COPS7B: variants seen among roughly 807,000 people sequenced by gnomAD.
COPS7B encodes COP9 signalosome complex subunit 7b.
In COPS7B, 9 loss-of-function variants were observed where a neutral mutation model predicts 33.4. That is an observed-to-expected ratio of 0.27 (90% CI 0.16 to 0.47). The LOEUF is 0.47. COPS7B is among the 20% of genes least tolerant of loss of function. COPS7B has a pLI of 0.99. For missense variants in COPS7B, 242 were observed against 318.2 expected, an observed-to-expected ratio of 0.76 and a Z score of 1.82; for synonymous variants, 119 against 126.3, an observed-to-expected ratio of 0.94 and a Z score of 0.39.
chr2:231,788,664 A>T lies in COPS7B; in HGVS notation c.94A>T (p.Ser32Cys). The T allele has an allele frequency of 6.2e-7, 1 of 1,614,200 alleles. No homozygotes were observed. The highest frequency in any genetic ancestry group is 8.5e-7 in the Non-Finnish European group (1 of 1,180,026). Residue 32 changes from serine to cysteine, a missense_variant, in exon 2 of 7, where the codon AGC becomes TGC. Transcript: ENST00000350033. ...TSGSALTALI[S>C]QVLEAPGVYV... ...TGGCTCAGCCCTCACTGCTCTCATA[A>T]GCCAGGTCTTAGAGGCTCCCGGAGT...
At chr2:231,792,377 A>G in intron 3 of COPS7B, 1 of 245,862 alleles carries the variant, frequency 4.1e-6, no homozygotes, top group Non-Finnish European at 8.1e-6. Context: ...CTGTAATCCC[A>G]GCCACTCCGG....
At chr2:231,797,232 T>G (rs925220781) in intron 5 of COPS7B, among the ~76,000 whole-genome samples, 2 of 152,056 alleles carry the variant, frequency 1.3e-5, no homozygotes, top group African/African-American at 4.8e-5. Context: ...CAGTGCCACT[T>G]TGACTCCTTG....
chr2:231,800,618 A>G (rs578199457), intron 6 of COPS7B, among the ~76,000 whole-genome samples: 75 of 152,370 alleles, frequency 4.9e-4, no homozygotes, highest in African/African-American at 1.6e-3. Flanking sequence ...ACACTTGGCT[A>G]AAGTTTGAGG....
intron 5 of COPS7B, among the ~76,000 whole-genome samples, chr2:231,797,852 C>T (rs543186703): frequency 1.3e-3 from 196 of 152,216 alleles, no homozygotes; most frequent in South Asian, 3.9e-3. Context: ...TGAGAAAAGG[C>T]GGAATCTTCA....
intron 6 of COPS7B, among the ~76,000 whole-genome samples, chr2:231,806,014 G>A (rs933845383): frequency 1.3e-5 from 2 of 151,918 alleles, no homozygotes; most frequent in South Asian, 2.1e-4. Flanking sequence ...AGGCTACAGC[G>A]TTGATTGAGG....
chr2:231,798,134 G>T (rs113374539), intron 5 of COPS7B, among the ~76,000 whole-genome samples: 3 of 152,020 alleles, frequency 2.0e-5, no homozygotes, highest in Admixed American at 6.6e-5. Flanking sequence ...TGATCCGCCT[G>T]CCTCGGCCTC....
At position 231,808,360 on chromosome 2, in the gene COPS7B, G is replaced by A. The variant is rs764364864; in HGVS notation, c.*715G>A. Reference sequence around the variant, plus strand: ...CAGAAATGGTTCCTTCCGGCTTGGCGTTCTCTCCTGGCCACTCTTCCTGCT... The same window carrying A: ...CAGAAATGGTTCCTTCCGGCTTGGCATTCTCTCCTGGCCACTCTTCCTGCT... On this transcript the variant is annotated 3_prime_UTR_variant, in exon 7 of 7. Coordinates refer to ENST00000350033, the MANE Select transcript of COPS7B (RefSeq NM_022730.4). 51 of 452,246 alleles carry A rather than the reference G, an allele frequency of 1.1e-4. No homozygotes were observed. Among genetic ancestry groups the A allele is most frequent in the Non-Finnish European group, 1.8e-4 (40 of 217,536 alleles). 28.0% of individuals were successfully genotyped at this position (452,246 alleles called of 1,614,324 possible).
intron 6 of COPS7B, among the ~76,000 whole-genome samples, 173 bp downstream of exon 6, chr2:231,799,137 T>C (rs2049669268): frequency 6.6e-6 from 1 of 152,340 alleles, no homozygotes; most frequent in Admixed American, 6.5e-5. Context: ...GCTCCTGCTC[T>C]TGGTGTTCTG....
chr2:231,801,551 T>G (rs2049744548), intron 6 of COPS7B, among the ~76,000 whole-genome samples: 1 of 151,914 alleles, frequency 6.6e-6, no homozygotes, highest in Non-Finnish European at 1.5e-5. Context: ...AAGCAGTCTT[T>G]CCACCTCGGC....
At position 231,808,607 on chromosome 2, in the gene COPS7B, C is replaced by T. The variant is rs1204627832; in HGVS notation, c.*962C>T. On this transcript the variant is annotated 3_prime_UTR_variant, in exon 7 of 7. Transcript: ENST00000350033. Reference sequence around the variant, plus strand: ...AGAGCCCTCTGATGATGGCATTCTCCTGGCAAGAGAAAAAGACTTAACTAG... The same window carrying T: ...AGAGCCCTCTGATGATGGCATTCTCTTGGCAAGAGAAAAAGACTTAACTAG... 1 of 453,342 alleles carries T rather than the reference C, an allele frequency of 2.2e-6. No homozygotes were observed. The highest frequency in any genetic ancestry group is 4.5e-6 in the Non-Finnish European group (1 of 220,934). The allele number at this position is 453,342 out of a possible 1,614,324, so 28.1% of individuals were successfully genotyped here.
intron 6 of COPS7B, among the ~76,000 whole-genome samples, chr2:231,805,321 G>A (rs937990231): frequency 3.3e-5 from 5 of 151,852 alleles, no homozygotes; most frequent in Admixed American, 6.6e-5. Context: ...CTGGGAGGGC[G>A]AGATGCCTCA....
Position 231,808,668 on chromosome 2 carries a change from A to ATTT in COPS7B, c.*1034_*1036dup. ...TTGAACAGTTTCAGGTTATATTTTAATTTTTTTTTTTTTGTACAGGTTCTG... is the reference window on the plus strand; with the variant it reads ...TTGAACAGTTTCAGGTTATATTTTAATTTTTTTTTTTTTTTTGTACAGGTTCTG... On this transcript the variant is annotated 3_prime_UTR_variant, in exon 7 of 7. Coordinates refer to ENST00000350033, the MANE Select transcript of COPS7B (RefSeq NM_022730.4). 6 of 260,430 alleles carry ATTT rather than the reference A, an allele frequency of 2.3e-5. No individual in the cohort carries two copies. Among genetic ancestry groups the ATTT allele is most frequent in the South Asian group, 3.5e-5 (1 of 28,192 alleles). 16.1% of individuals were successfully genotyped at this position (260,430 alleles called of 1,614,324 possible).
In COPS7B at chr2:231,791,784, T is replaced by G. The variant is rs1165844695; in HGVS notation, c.214T>G (p.Tyr72Asp). ...AYLQLLNLFAYGTYPDYIANK... is the reference protein window; with the variant it reads ...AYLQLLNLFADGTYPDYIANK... ...TTTGCAGTTGTTGAACCTGTTTGCC[T>G]ATGGGACATACCCAGATTACATAGG... Residue 72 changes from tyrosine to aspartate, a missense_variant, in exon 3 of 7, where the codon TAT (tyrosine) becomes GAT (aspartate). Transcript: ENST00000350033. 6.2e-7 allele frequency: 1 copy of G among 1,614,142 alleles called. No homozygotes were observed. Among genetic ancestry groups the G allele is most frequent in the Admixed American group, 1.7e-5 (1 of 60,034 alleles).
chr2:231,796,081 A>G (rs376612825), intron 4 of COPS7B, 25 bp from the exon 5 acceptor site: 1 of 1,604,348 alleles, frequency 6.2e-7, no homozygotes, highest in Non-Finnish European at 8.5e-7. Flanking sequence ...TGGTTTTTAT[A>G]ATGATCACAT....
intron 6 of COPS7B, among the ~76,000 whole-genome samples, 180 bp from the exon 7 acceptor site, chr2:231,807,307 C>T (rs545491432): frequency 1.3e-5 from 2 of 152,272 alleles, no homozygotes; most frequent in African/African-American, 2.4e-5. Context: ...TTGCTTGACT[C>T]ATTTCCACAA....
intron 1 of COPS7B, among the ~76,000 whole-genome samples, chr2:231,788,257 C>T (rs1445978628): frequency 6.6e-6 from 1 of 151,920 alleles, no homozygotes; most frequent in African/African-American, 2.4e-5. Context: ...GTGCCACAGC[C>T]TCCCAAGTAA....
chr2:231,792,644 T>C (rs1051228391), intron 3 of COPS7B, among the ~76,000 whole-genome samples: 6 of 152,218 alleles, frequency 3.9e-5, no homozygotes, highest in Admixed American at 2.6e-4. Flanking sequence ...CTTACAAACA[T>C]TTATCCATAT....
upstream of COPS7B, chr2:231,781,728 TG>T: frequency 1.0e-6 from 1 of 983,278 alleles, no homozygotes; most frequent in Non-Finnish European, 1.6e-6. Flanking sequence ...TGCCGCGCAG[TG>T]TGCGCAAATT....
Position 231,796,319 on chromosome 2 carries a change from A to G in COPS7B, c.530+11A>G, listed in dbSNP as rs974167608. On this transcript the variant is annotated intron_variant, in intron 5 of 6. Coordinates refer to ENST00000350033, the MANE Select transcript of COPS7B (RefSeq NM_022730.4). ...GACCCTGCATGAATGGTGAGGCTAA[A>G]AGGAGGAGGGGGATATCTAGCATGT... 3.1e-6 allele frequency: 5 copies of G among 1,611,618 alleles called. No individual in the cohort carries two copies. Among genetic ancestry groups the G allele is most frequent in the Non-Finnish European group, 4.2e-6 (5 of 1,178,350 alleles).
Sources: allele counts gnomAD v4.1 joint callset (sites outside exome capture counted in the v4.1 genomes callset), GRCh38; gene constraint gnomAD v4.1.1; transcripts MANE v1.5; gene names NCBI Gene and HGNC (gene_info 2026-07-23, HGNC 2026-07-21).